Variants in FHIP1A observed in about 807,000 individuals in gnomAD.
The protein encoded by FHIP1A is FHF complex subunit HOOK-interacting protein 1A.
FHIP1A carries 61 observed loss-of-function variants against 88.6 expected under a neutral mutation model. The ratio of observed to expected loss-of-function variants is 0.69; its 90% CI spans 0.56 to 0.85. The LOEUF (loss-of-function observed/expected upper bound fraction) is 0.85, where lower values mean the gene tolerates loss of function less well. Among genes scored for constraint, FHIP1A ranks in the 40% least tolerant of loss-of-function variants. The pLI, the probability that FHIP1A is intolerant of heterozygous loss-of-function variation, is 0.00. For synonymous variants in FHIP1A, 478 were observed against 496.0 expected (o/e 0.96, Z 0.48); for missense variants, 1,154 against 1,273.5 (o/e 0.91, Z 1.43).
chr4:151,590,610 T>G (rs1281750669), intron 7 of FHIP1A, among the ~76,000 whole-genome samples: 3 of 152,206 alleles, frequency 2.0e-5, no homozygotes, highest in African/African-American at 4.8e-5. Context: ...CTGGGATATC[T>G]CCAATGCTGA....
At chr4:151,617,489 A>T (rs576039129) in intron 7 of FHIP1A, among the ~76,000 whole-genome samples, 24 of 152,224 alleles carry the variant, frequency 1.6e-4, no homozygotes, top group African/African-American at 5.5e-4. Context: ...TCAAATGCAG[A>T]TGTAAAGTCT....
chr4:151,624,149 A>G (rs1050842485), intron 7 of FHIP1A, among the ~76,000 whole-genome samples: 4 of 152,240 alleles, frequency 2.6e-5, no homozygotes, highest in Non-Finnish European at 5.9e-5. Flanking sequence ...AATATTCATG[A>G]CAAGGTAATC....
chr4:151,472,622 G>GTTTT, intron 2 of FHIP1A, among the ~76,000 whole-genome samples: 1 of 131,506 alleles, frequency 7.6e-6, no homozygotes, highest in Non-Finnish European at 1.6e-5. Context: ...TTGCCTTGCT[G>GTTTT]TTTTTTTTTT....
chr4:151,504,356 C>G (rs1730751607), intron 3 of FHIP1A, among the ~76,000 whole-genome samples: 1 of 152,120 alleles, frequency 6.6e-6, no homozygotes, highest in South Asian at 2.1e-4. Flanking sequence ...ACATGAGTAT[C>G]TCCTTCAGCA....
At chr4:151,536,314 G>A (rs534437227) in intron 3 of FHIP1A, among the ~76,000 whole-genome samples, 1 of 152,214 alleles carries the variant, frequency 6.6e-6, no homozygotes, top group Admixed American at 6.5e-5. Context: ...CTCTTTGTGT[G>A]TGCCCGCATT....
Position 151,620,353 on chromosome 4 carries a change from C to A in FHIP1A, c.979-9349C>A, listed in dbSNP as rs140509062. On this transcript the variant is annotated intron_variant, in intron 7 of 13. Transcript: ENST00000435205. ...TTCTCTGGCCAAGCCATCTGCTTAC[C>A]AAACTGTGGGCTTGGGGGGCTACTT... Among the ~76,000 whole-genome samples, 665 of 152,266 alleles carry A rather than the reference C, an allele frequency of 4.4e-3. 5 individuals are homozygous for A. The highest frequency in any genetic ancestry group is 0.015 in the African/African-American group (626 of 41,542).
chr4:151,410,059 G>A (rs75383110), intron 1 of FHIP1A, among the ~76,000 whole-genome samples: 16 of 152,192 alleles, frequency 1.1e-4, no homozygotes, highest in Admixed American at 7.2e-4. Context: ...AAGGTCCCTT[G>A]TTAACTCCGC....
Position 151,646,752 on chromosome 4 carries a change from G to A in FHIP1A, c.1417+4G>A. The A allele has an allele frequency of 2.6e-6, 4 of 1,538,970 alleles. No individual in the cohort carries two copies. The highest frequency in any genetic ancestry group is 3.5e-6 in the Non-Finnish European group (4 of 1,137,948). On this transcript the variant is annotated splice_donor_region_variant and intron_variant, in intron 10 of 13. Coordinates refer to ENST00000435205, the MANE Select transcript of FHIP1A (RefSeq NM_001109977.3). ...AAGTGTATGCATGACACTTCAGGTA[G>A]GAACTCGCTAGTGATGATCTTTAAA... is the stretch of plus-strand genomic sequence containing the variant.
intron 7 of FHIP1A, among the ~76,000 whole-genome samples, chr4:151,623,282 C>T (rs1243722793): frequency 2.0e-5 from 3 of 152,146 alleles, no homozygotes; most frequent in South Asian, 2.1e-4. Context: ...CCCCTCTTAA[C>T]CACAGCCTGT....
chr4:151,412,954 G>A (rs1381640397), intron 1 of FHIP1A, among the ~76,000 whole-genome samples: 1 of 151,956 alleles, frequency 6.6e-6, no homozygotes, highest in African/African-American at 2.4e-5. Context: ...AAAGTGCTGG[G>A]ATTATAGACG....
chr4:151,510,114 T>C (rs981570782), intron 3 of FHIP1A, among the ~76,000 whole-genome samples: 3 of 152,088 alleles, frequency 2.0e-5, no homozygotes, highest in African/African-American at 7.2e-5. Flanking sequence ...CATTTTTTTT[T>C]TCTTTTTTTG....
At chr4:151,513,894 C>G (rs977264310) in intron 3 of FHIP1A, among the ~76,000 whole-genome samples, 1 of 150,558 alleles carries the variant, frequency 6.6e-6, no homozygotes, top group Non-Finnish European at 1.5e-5. Flanking sequence ...GACAGATCAA[C>G]GAGACAGAAA....
At chr4:151,484,152 A>C (rs897110828) in intron 3 of FHIP1A, among the ~76,000 whole-genome samples, 3 of 152,112 alleles carry the variant, frequency 2.0e-5, no homozygotes, top group African/African-American at 7.2e-5. Flanking sequence ...GGGAGCTTTA[A>C]TTTCAAGGTC....
At chr4:151,528,398 C>A (rs1021064125) in intron 3 of FHIP1A, among the ~76,000 whole-genome samples, 1 of 152,090 alleles carries the variant, frequency 6.6e-6, no homozygotes, top group Non-Finnish European at 1.5e-5. Context: ...CTGCTGAAAC[C>A]CATTGTCCGT....
chr4:151,528,730 A>G (rs1731770143), intron 3 of FHIP1A, among the ~76,000 whole-genome samples: 1 of 152,044 alleles, frequency 6.6e-6, no homozygotes, highest in Non-Finnish European at 1.5e-5. Context: ...GAGGGTGTTG[A>G]ATAGTCTTTC....
intron 8 of FHIP1A, among the ~76,000 whole-genome samples, chr4:151,635,842 A>T (rs914031998): frequency 6.6e-6 from 1 of 152,008 alleles, no homozygotes; most frequent in Non-Finnish European, 1.5e-5. Flanking sequence ...AGTGATTTGT[A>T]TGCTTAAAAA....
intron 13 of FHIP1A, among the ~76,000 whole-genome samples, chr4:151,658,163 T>C (rs1226669922): frequency 6.6e-6 from 1 of 152,180 alleles, no homozygotes; most frequent in Non-Finnish European, 1.5e-5. Flanking sequence ...CTTAGACACA[T>C]GGGTGGTAAG....
chr4:151,535,750 A>G (rs992174326), intron 3 of FHIP1A, among the ~76,000 whole-genome samples: 12 of 152,254 alleles, frequency 7.9e-5, no homozygotes, highest in African/African-American at 2.9e-4. Flanking sequence ...AAGGAATTGA[A>G]TAAATATTTG....
chr4:151,599,716 A>C (rs1430438957), intron 7 of FHIP1A, among the ~76,000 whole-genome samples: 2 of 152,178 alleles, frequency 1.3e-5, no homozygotes, highest in Non-Finnish European at 2.9e-5. Flanking sequence ...GTTTAGCAGC[A>C]GGGGCCCCAG....
Sources: allele counts gnomAD v4.1 joint callset (sites outside exome capture counted in the v4.1 genomes callset), GRCh38; gene constraint gnomAD v4.1.1; transcripts MANE v1.5; gene names NCBI Gene and HGNC (gene_info 2026-07-23, HGNC 2026-07-21).